The following RXRA variants were observed in gnomAD, a reference collection of about 807,000 sequenced individuals.
The protein encoded by RXRA is retinoic acid receptor RXR-alpha.
RXRA carries 5 observed loss-of-function variants against 44.5 expected under a neutral mutation model. The observed-to-expected ratio is 0.11, with a 90% CI of 0.06 to 0.24. The LOEUF (loss-of-function observed/expected upper bound fraction) is 0.24. Ranked by LOEUF, RXRA falls within the 10% of genes least tolerant of loss-of-function variation. The probability of loss-of-function intolerance (pLI) is 1.00; values close to 1 mark genes in which losing one functional copy is unlikely to be tolerated. For missense variants in RXRA, 412 were observed against 646.5 expected, an observed-to-expected ratio of 0.64 and a Z score of 3.93; for synonymous variants, 291 against 271.4, an observed-to-expected ratio of 1.07 and a Z score of -0.71.
At chr9:134,354,592 G>A (rs1277190948) in intron 1 of RXRA, among the ~76,000 whole-genome samples, 2 of 152,228 alleles carry the variant, frequency 1.3e-5, no homozygotes, top group Non-Finnish European at 2.9e-5. Flanking sequence ...GTGGTGCCTG[G>A]GCACCAGGGC....
At chr9:134,382,728 G>A (rs1366020220) in intron 1 of RXRA, among the ~76,000 whole-genome samples, 2 of 152,092 alleles carry the variant, frequency 1.3e-5, no homozygotes, top group East Asian at 1.9e-4. Context: ...TGTAACAGCC[G>A]GGTCTCTGGG....
intron 5 of RXRA, among the ~76,000 whole-genome samples, chr9:134,419,589 T>C (rs1831294288): frequency 6.6e-6 from 1 of 152,218 alleles, no homozygotes; most frequent in Non-Finnish European, 1.5e-5. Context: ...AGCGTCACGG[T>C]CCTGGTGCCT....
Position 134,401,901 on chromosome 9 carries a change from CA to C in RXRA, c.279+21del. Reference sequence around the variant, plus strand: ...CCCCCAGGTGAGTGCGGGGCTGGGGCAAGGGGAGGGGGTGGGGCCTGGGGTG... The same window carrying C: ...CCCCCAGGTGAGTGCGGGGCTGGGGCAGGGGAGGGGGTGGGGCCTGGGGTG... On this transcript the variant is annotated intron_variant, in intron 2 of 9. Transcript: ENST00000481739. The C allele has an allele frequency of 6.6e-7, 1 of 1,520,332 alleles. No homozygotes were observed. The highest frequency in any genetic ancestry group is 9.0e-7 in the Non-Finnish European group (1 of 1,108,310). The allele number at this position is 1,520,332 out of a possible 1,614,324, so 94.2% of individuals were successfully genotyped here.
At chr9:134,369,013 TGG>T (rs1231569279) in intron 1 of RXRA, among the ~76,000 whole-genome samples, 2 of 26,498 alleles carry the variant, frequency 7.5e-5, no homozygotes, top group Non-Finnish European at 1.1e-4. Context: ...TGTGTGTGTG[TGG>T]GGGGGGTTAT....
At chr9:134,430,972 G>A (rs1831522872) in intron 7 of RXRA, among the ~76,000 whole-genome samples, 2 of 152,200 alleles carry the variant, frequency 1.3e-5, no homozygotes, top group Non-Finnish European at 1.5e-5. Context: ...CAGACATCGG[G>A]GGTCCCTCCC....
At chr9:134,431,786 C>A in intron 7 of RXRA, 119 bp from the exon 8 acceptor site, 1 of 713,292 alleles carries the variant, frequency 1.4e-6, no homozygotes, top group Non-Finnish European at 2.4e-6. Flanking sequence ...CTTGGCTTGG[C>A]CCATCTCAGC....
rs1375040347 is a variant in RXRA, at chr9:134,439,449, C to T, written c.*2835C>T. The T allele has an allele frequency of 6.6e-6, 1 of 152,312 alleles. No homozygotes were observed. 9.4% of individuals were successfully genotyped at this position (152,312 alleles called of 1,614,324 possible). ...TTGGAAGCTGGCCTGCCAGGACCTT[C>T]CACCCTGGGGCCTGTGTCAGCCGCC... On this transcript the variant is annotated 3_prime_UTR_variant, in exon 10 of 10. Transcript: ENST00000481739.
In RXRA at chr9:134,364,802, C is replaced by T. The variant is rs73663464; in HGVS notation, c.29-36830C>T. On this transcript the variant is annotated intron_variant, in intron 1 of 9. Transcript: ENST00000481739. ...CAGCCTGCCCCTGCTGACGTTAGGG[C>T]TGCCTGGGACTCAGCTGGGTCCCTA... Among the ~76,000 whole-genome samples the T allele has an allele frequency of 3.7e-3, 562 of 152,304 alleles. 4 individuals carry two copies. Among genetic ancestry groups the T allele is most frequent in the African/African-American group, 0.013 (536 of 41,576 alleles).
intron 1 of RXRA, among the ~76,000 whole-genome samples, chr9:134,386,611 GCTGAGGGTGTCATGGGAGCGTT>G (rs1830724642): frequency 6.6e-6 from 1 of 152,222 alleles, no homozygotes; most frequent in Non-Finnish European, 1.5e-5. Context: ...ACGTGGCCGT[GCTGAGGGTGTCATGGGAGCGTT>G]CTGATTCTCC....
rs986859768 is a variant in RXRA, at chr9:134,433,027, C to T, written c.1135+1031C>T. Among the ~76,000 whole-genome samples, 1 of 152,006 alleles carries T rather than the reference C, an allele frequency of 6.6e-6. No individual in the cohort carries two copies. Among genetic ancestry groups the T allele is most frequent in the Non-Finnish European group, 1.5e-5 (1 of 68,006 alleles). On this transcript the variant is annotated intron_variant, in intron 8 of 9. Coordinates refer to ENST00000481739, the MANE Select transcript of RXRA (RefSeq NM_002957.6). This position sits in a 1 kb window ranked among gnomAD's most constrained non-coding sequence, Gnocchi z 4.2. ...AGGTTTGGGGCTGCTGTGGGGAGCTCACTTGGGCTATGGTGGAGGGAGTGG... is the reference window on the plus strand; with the variant it reads ...AGGTTTGGGGCTGCTGTGGGGAGCTTACTTGGGCTATGGTGGAGGGAGTGG...
intron 9 of RXRA, among the ~76,000 whole-genome samples, chr9:134,435,380 TCC>T (rs1186649372): frequency 6.9e-6 from 1 of 144,486 alleles, no homozygotes. Flanking sequence ...GCCCCAGACT[TCC>T]CCCCTCCCTC....
chr9:134,326,879 CGGCGGGGCCGGGG>C (rs1183934208), intron 1 of RXRA, among the ~76,000 whole-genome samples: 4 of 73,064 alleles, frequency 5.5e-5, no homozygotes, highest in Non-Finnish European at 1.2e-4. Context: ...AGCGGGCGGG[CGGCGGGGCCGGGG>C]GGCGGGTGGC....
chr9:134,367,385 C>G (rs1314752242), intron 1 of RXRA, among the ~76,000 whole-genome samples: 5 of 152,182 alleles, frequency 3.3e-5, no homozygotes. Context: ...CGGAGCCCAC[C>G]CTTCCACTCT....
intron 1 of RXRA, among the ~76,000 whole-genome samples, chr9:134,347,658 C>A (rs1055417932): frequency 2.0e-5 from 3 of 152,136 alleles, no homozygotes; most frequent in Admixed American, 6.5e-5. Flanking sequence ...GGGGATGCTG[C>A]GGGTGGGCTT....
intron 1 of RXRA, among the ~76,000 whole-genome samples, chr9:134,354,467 G>A (rs779252684): frequency 2.0e-5 from 3 of 152,222 alleles, no homozygotes; most frequent in African/African-American, 7.2e-5. Context: ...CCACACTGCC[G>A]TGGCTTAGTG....
At chr9:134,436,351 C>T (rs564565969) in intron 9 of RXRA, 116 bp from the exon 10 acceptor site, 1 of 1,037,894 alleles carries the variant, frequency 9.6e-7, no homozygotes, top group South Asian at 1.5e-5. Context: ...GGGCTACAGA[C>T]CAGCCTCAGA....
chr9:134,367,752 G>T (rs1279679663), intron 1 of RXRA, among the ~76,000 whole-genome samples: 1 of 152,192 alleles, frequency 6.6e-6, no homozygotes. Flanking sequence ...CCCCTCGGGT[G>T]GGGGGTGCCG....
At chr9:134,431,148 G>C (rs1015247228) in intron 7 of RXRA, among the ~76,000 whole-genome samples, 2 of 152,178 alleles carry the variant, frequency 1.3e-5, no homozygotes, top group East Asian at 3.9e-4. Flanking sequence ...CCTTTCCCCC[G>C]CTGTGGCCCA....
At chr9:134,425,217 C>G (rs1004946955) in intron 6 of RXRA, 2 of 985,260 alleles carry the variant, frequency 2.0e-6, no homozygotes, top group Non-Finnish European at 2.4e-6. Context: ...AGGTTGATGT[C>G]ACACGTGTCT....
Sources: allele counts gnomAD v4.1 joint callset (sites outside exome capture counted in the v4.1 genomes callset), GRCh38; gene constraint gnomAD v4.1.1; non-coding constraint Gnocchi (gnomAD v3.1); transcripts MANE v1.5; gene names NCBI Gene and HGNC (gene_info 2026-07-23, HGNC 2026-07-21).